Variants in DCAF10 observed in about 807,000 individuals in gnomAD.
DCAF10 encodes DDB1- and CUL4-associated factor 10.
In DCAF10, 19 loss-of-function variants were observed where a neutral mutation model predicts 51.9. The ratio of observed to expected loss-of-function variants is 0.37; its 90% confidence interval spans 0.26 to 0.54. The LOEUF (loss-of-function observed/expected upper bound fraction) is 0.54, where lower values mean the gene tolerates loss of function less well. Among genes scored for constraint, DCAF10 ranks in the 20% least tolerant of loss-of-function variants. The pLI, the probability that DCAF10 is intolerant of heterozygous loss-of-function variation, is 0.87. For missense variants in DCAF10, 510 were observed against 730.6 expected, an observed-to-expected ratio of 0.70 and a Z score of 3.48; for synonymous variants, 291 against 297.1, an observed-to-expected ratio of 0.98 and a Z score of 0.21.
chr9:37,860,296 A>T, intron 6 of DCAF10, 103 bp downstream of exon 6: 1 of 1,443,634 alleles, frequency 6.9e-7, no homozygotes, highest in Non-Finnish European at 9.5e-7. Flanking sequence ...CTCTGCCTTC[A>T]AGGGCATACT....
In DCAF10 at chr9:37,864,574, A is replaced by G. The variant is rs1831096047; in HGVS notation, c.*3066A>G. The G allele has an allele frequency of 6.8e-6, 1 of 146,560 alleles. No homozygotes were observed. The highest frequency in any genetic ancestry group is 6.8e-5 in the Admixed American group (1 of 14,610). The allele number at this position is 146,560 out of a possible 1,614,324, so 9.1% of individuals were successfully genotyped here. A position where few individuals can be genotyped will look rare whatever the true frequency, so the allele number is the denominator to read the frequency against. On this transcript the variant is annotated 3_prime_UTR_variant, in exon 7 of 7. Coordinates refer to ENST00000377724, the MANE Select transcript of DCAF10 (RefSeq NM_024345.5). The stretch of plus-strand genomic sequence containing the variant: ...ACTCTAGCCTGACCAGCAGAGCGAG[A>G]CTCTGCCTCAAAAAAAAAAAAAAAA...
rs1831110510 is a variant in DCAF10 at position 37,865,102 on chromosome 9, GC to G, written c.*3595del. On this transcript the variant is annotated 3_prime_UTR_variant, in exon 7 of 7. Transcript: ENST00000377724. ...TTTTTTTTTTTTAATTATAGAGCTA[GC>G]TTACCGTGTGTATCATGTAAAAAAA... 1 of 151,210 alleles carries G rather than the reference GC, an allele frequency of 6.6e-6. No individual in the cohort carries two copies. Among genetic ancestry groups the G allele is most frequent in the Non-Finnish European group, 1.5e-5 (1 of 67,886 alleles). 9.4% of individuals were successfully genotyped at this position (151,210 alleles called of 1,614,324 possible).
chr9:37,857,263 A>T lies in DCAF10; in HGVS notation c.1077A>T (p.Ser359=), dbSNP rs1418439118. Residue 359 remains serine, a synonymous_variant, in exon 5 of 7, where the codon TCA becomes TCT. Transcript: ENST00000377724. The stretch of plus-strand genomic sequence containing the variant: ...AAGATTTGACCACTTCATCAAGTTC[A>T]TCTGGTCCTAGAGTTTCTGGCTCAC... ...SSSDLTTSSS[S]SGPRVSGSPC... is the part of the protein sequence containing the mutation. 1.9e-6 allele frequency: 3 copies of T among 1,605,090 alleles called. No homozygotes were observed. Among genetic ancestry groups the T allele is most frequent in the Non-Finnish European group, 2.5e-6 (3 of 1,176,968 alleles).
intron 1 of DCAF10, among the ~76,000 whole-genome samples, chr9:37,812,817 A>G (rs1173588694): frequency 6.6e-6 from 1 of 152,000 alleles, no homozygotes; most frequent in African/African-American, 2.4e-5. Context: ...TATTTTTTGT[A>G]GAGACAAGGG....
intron 2 of DCAF10, 105 bp downstream of exon 2, chr9:37,819,506 A>T: frequency 2.9e-6 from 2 of 685,144 alleles, no homozygotes; most frequent in Non-Finnish European, 4.8e-6. Flanking sequence ...CAGCACTGCT[A>T]GATGATCCAC....
intron 1 of DCAF10, among the ~76,000 whole-genome samples, chr9:37,808,453 A>G (rs1486245130): frequency 2.7e-5 from 3 of 111,910 alleles, no homozygotes; most frequent in Non-Finnish European, 5.9e-5. Flanking sequence ...ATGTAAAAGT[A>G]TATTATATAT....
chr9:37,814,508 G>C (rs1805742396), intron 1 of DCAF10, among the ~76,000 whole-genome samples: 2 of 151,202 alleles, frequency 1.3e-5, no homozygotes, highest in Admixed American at 1.3e-4. Context: ...TCAAATTCCT[G>C]GGCTCAAGTG....
chr9:37,859,582 T>C (rs138416268), intron 5 of DCAF10, among the ~76,000 whole-genome samples: 26 of 152,346 alleles, frequency 1.7e-4, no homozygotes, highest in African/African-American at 5.8e-4. Flanking sequence ...TAAGTCCTGA[T>C]CTTTTTATTT....
rs1190022817 is a variant in DCAF10 at position 37,860,117 on chromosome 9, G to A, written c.1235G>A (p.Cys412Tyr). 6.2e-7 allele frequency: 1 copy of A among 1,613,992 alleles called. No individual in the cohort carries two copies. Among genetic ancestry groups the A allele is most frequent in the Admixed American group, 1.7e-5 (1 of 59,992 alleles). The change falls in exon 6 of 7, where the codon TGC (cysteine) becomes TAC (tyrosine). Residue 412 changes from cysteine (C) to tyrosine (Y), a missense_variant. By Grantham distance (194) the Cys-to-Tyr change is radical. Around this residue, in one of 4 missense-constraint regions of DCAF10, gnomAD observed 104 missense variants for 206.2 expected, o/e 0.50. Coordinates refer to ENST00000377724, the MANE Select transcript of DCAF10 (RefSeq NM_024345.5). ...EVLGESDHGN[C>Y]ITSLQLHPKG... is the part of the protein sequence containing the mutation. Reference sequence around the variant, plus strand: ...CTTGGTGAGAGTGACCACGGAAACTGCATCACGTCCTTACAGCTGCACCCA... The same window carrying A: ...CTTGGTGAGAGTGACCACGGAAACTACATCACGTCCTTACAGCTGCACCCA...
intron 6 of DCAF10, 137 bp downstream of exon 6, chr9:37,860,330 C>T: frequency 9.0e-7 from 1 of 1,106,956 alleles, no homozygotes; most frequent in Non-Finnish European, 1.3e-6. Flanking sequence ...CTTCTCGACT[C>T]TCCTGTTTCT....
chr9:37,803,954 T>C (rs1352150193), intron 1 of DCAF10, among the ~76,000 whole-genome samples: 1 of 151,864 alleles, frequency 6.6e-6, no homozygotes, highest in African/African-American at 2.4e-5. Context: ...AAAAAATGTT[T>C]TAAGTGATAG....
chr9:37,828,238 C>T (rs969425222), intron 2 of DCAF10, among the ~76,000 whole-genome samples: 3 of 152,098 alleles, frequency 2.0e-5, no homozygotes, highest in Non-Finnish European at 4.4e-5. Context: ...TGTGTGGGAC[C>T]CAAATTCACA....
intron 2 of DCAF10, chr9:37,836,203 G>A (rs573122604): frequency 4.0e-6 from 6 of 1,493,702 alleles, no homozygotes; most frequent in Non-Finnish European, 5.6e-6. Flanking sequence ...TATGAAATGA[G>A]AACACTTTAC....
upstream of DCAF10, chr9:37,800,650 A>AG (rs1828887453): frequency 2.0e-6 from 3 of 1,535,942 alleles, no homozygotes; most frequent in Admixed American, 2.0e-5. Flanking sequence ...TCACACAGGT[A>AG]ACTACTCGCT....
At chr9:37,808,140 T>C (rs1320488240) in intron 1 of DCAF10, among the ~76,000 whole-genome samples, 1 of 151,916 alleles carries the variant, frequency 6.6e-6, no homozygotes, top group East Asian at 1.9e-4. Context: ...TAGAAGTAAA[T>C]AAAAAGATAA....
chr9:37,824,275 T>C (rs1160262459), intron 2 of DCAF10, among the ~76,000 whole-genome samples: 1 of 152,170 alleles, frequency 6.6e-6, no homozygotes, highest in Non-Finnish European at 1.5e-5. Context: ...AGTGTGGTTC[T>C]AGATAGTAAC....
At chr9:37,812,501 C>T (rs1829379657) in intron 1 of DCAF10, among the ~76,000 whole-genome samples, 1 of 128,754 alleles carries the variant, frequency 7.8e-6, no homozygotes, top group Non-Finnish European at 1.7e-5. Context: ...AGAGAATTTG[C>T]CACTATCAGA....
chr9:37,802,348 G>A (rs886396516), intron 1 of DCAF10, among the ~76,000 whole-genome samples: 5 of 152,188 alleles, frequency 3.3e-5, no homozygotes, highest in Non-Finnish European at 7.3e-5. Context: ...TTTGTTAATT[G>A]AGATAAAGTC....
intron 1 of DCAF10, among the ~76,000 whole-genome samples, chr9:37,803,875 GA>G (rs1037192256): frequency 8.6e-5 from 13 of 151,394 alleles, no homozygotes; most frequent in African/African-American, 2.7e-4. Context: ...GAATTTAATA[GA>G]GACCACAATA....
Sources: gnomAD v4.1 joint callset for allele counts (sites outside exome capture counted in the v4.1 genomes callset) on GRCh38, gnomAD v4.1.1 for gene constraint, gnomAD v4.1.1 regional missense constraint, MANE v1.5 for transcripts, NCBI Gene and HGNC (gene_info 2026-07-23, HGNC 2026-07-21) for gene names.